Variants in ATL2 observed in about 807,000 individuals in gnomAD.
ATL2 encodes the protein atlastin GTPase 2.
In ATL2, 31 loss-of-function variants were observed where a neutral mutation model predicts 73.9. That is an observed-to-expected ratio of 0.42 (90% CI 0.32 to 0.57). The LOEUF (loss-of-function observed/expected upper bound fraction) is 0.57, where lower values mean the gene tolerates loss of function less well. ATL2 is among the 20% of genes least tolerant of loss of function. ATL2 has a pLI of 0.14. For synonymous variants in ATL2, 291 were observed against 237.5 expected, an observed-to-expected ratio of 1.23 and a Z score of -2.07; for missense variants, 738 against 702.6, an observed-to-expected ratio of 1.05 and a Z score of -0.57.
chr2:38,333,822 T>C (rs1360405476), intron 2 of ATL2, among the ~76,000 whole-genome samples: 6 of 152,172 alleles, frequency 3.9e-5, no homozygotes, highest in African/African-American at 1.2e-4. Flanking sequence ...TCAAACAATA[T>C]TGTAAACACT....
In ATL2 at chr2:38,298,244, G is replaced by C; in HGVS notation, c.1532C>G (p.Ala511Gly). 1 of 1,614,012 alleles carries C rather than the reference G, an allele frequency of 6.2e-7. No individual in the cohort carries two copies. Among genetic ancestry groups the C allele is most frequent in the South Asian group, 1.1e-5 (1 of 91,088 alleles). The stretch of plus-strand genomic sequence containing the variant: ...TGCCCAAGTACAAAGAAATATCAGT[G>C]CTAACCCCATGACAAGGTTACACAA... ...AVLCNLVMGLALIFLCTWAYV... is the reference protein window; with the variant it reads ...AVLCNLVMGLGLIFLCTWAYV... The change falls in exon 12 of 13, where the codon GCA becomes GGA. Residue 511 changes from alanine to glycine, a missense_variant. Physicochemically the swap from Ala to Gly is moderately conservative, Grantham distance 60. Transcript: ENST00000378954.
At chr2:38,365,990 T>C (rs550324979) in intron 1 of ATL2, among the ~76,000 whole-genome samples, 1 of 150,194 alleles carries the variant, frequency 6.7e-6, no homozygotes, top group South Asian at 2.1e-4. Context: ...CAGACTTGGC[T>C]CAATACAGAC....
rs372283091 is a variant in ATL2, at chr2:38,294,174, G to A, written c.*1820C>T. Among the ~76,000 whole-genome samples the A allele has an allele frequency of 1.3e-5, 2 of 152,330 alleles. No homozygotes were observed. The highest frequency in any genetic ancestry group is 4.1e-4 in the South Asian group (2 of 4,826). ...ATATAAAAACAGAATCTGAATGGGAGTGGGAGCGAAGATGTATCAACCAAA... is the reference window on the plus strand; with the variant it reads ...ATATAAAAACAGAATCTGAATGGGAATGGGAGCGAAGATGTATCAACCAAA... On this transcript the variant is annotated 3_prime_UTR_variant, in exon 13 of 13. Transcript: ENST00000378954.
In ATL2 at chr2:38,330,178, G is replaced by A. The variant is rs1472400218; in HGVS notation, c.364-11159C>T. 2.8e-5 allele frequency among the ~76,000 whole-genome samples: 4 copies of A among 140,356 alleles called. No individual in the cohort carries two copies. In the Admixed American group the frequency reaches 2.9e-4, roughly 10 times the overall value. The allele number at this position is 140,356 out of a possible 152,430, so 92.1% of individuals were successfully genotyped here. On this transcript the variant is annotated intron_variant, in intron 2 of 12. Coordinates refer to ENST00000378954, the MANE Select transcript of ATL2 (RefSeq NM_001135673.4). ...CACATGATAATATCAATAAATACAG[G>A]AAAACTATTTGACAAAATCCAACAT...
chr2:38,365,236 C>T (rs28673227), intron 1 of ATL2, among the ~76,000 whole-genome samples: 18,209 of 151,806 alleles, frequency 0.12, 3,223 homozygotes, highest in African/African-American at 0.39. Flanking sequence ...AGAATAGACA[C>T]TTAGATCGAA....
In ATL2 at chr2:38,295,879, T is replaced by TTACACTAAAC; in HGVS notation, c.*105_*114dup. On this transcript the variant is annotated 3_prime_UTR_variant, in exon 13 of 13. Coordinates refer to ENST00000378954, the MANE Select transcript of ATL2 (RefSeq NM_001135673.4). ...CTGTGGCAGCCATCTGTGAAGCCAGTTACACTAAACTACTTCTACAGTTGA... is the reference window on the plus strand; with the variant it reads ...CTGTGGCAGCCATCTGTGAAGCCAGTTACACTAAACTACACTAAACTACTTCTACAGTTGA... 1.1e-6 allele frequency: 1 copy of TTACACTAAAC among 876,942 alleles called. No individual in the cohort carries two copies. The highest frequency in any genetic ancestry group is 1.7e-6 in the Non-Finnish European group (1 of 589,960). 54.3% of individuals were successfully genotyped at this position (876,942 alleles called of 1,614,324 possible).
chr2:38,329,674 G>A (rs1217855809), intron 2 of ATL2, among the ~76,000 whole-genome samples: 1 of 152,004 alleles, frequency 6.6e-6, no homozygotes, highest in Non-Finnish European at 1.5e-5. Context: ...TATATATCAT[G>A]AATATAAATG....
chr2:38,327,269 A>G (rs1233478779), intron 2 of ATL2, among the ~76,000 whole-genome samples: 1 of 152,122 alleles, frequency 6.6e-6, no homozygotes, highest in Non-Finnish European at 1.5e-5. Flanking sequence ...TTAGGTGGTT[A>G]TAGTATATAG....
chr2:38,330,508 G>T (rs949448069), intron 2 of ATL2, among the ~76,000 whole-genome samples: 1 of 152,040 alleles, frequency 6.6e-6, no homozygotes, highest in Non-Finnish European at 1.5e-5. Context: ...TAGAAAACTC[G>T]AAGGAATCCG....
At chr2:38,329,423 C>CAAAAAAAAAAAAAAAAAAAAA (rs70954711) in intron 2 of ATL2, among the ~76,000 whole-genome samples, 7 of 13,672 alleles carry the variant, frequency 5.1e-4, no homozygotes, top group East Asian at 2.2e-3. Flanking sequence ...ACTCCATCTC[C>CAAAAAAAAAAAAAAAAAAAAA]AAAAAAAAAA....
chr2:38,350,858 G>T (rs1670298094), intron 1 of ATL2, among the ~76,000 whole-genome samples: 2 of 151,940 alleles, frequency 1.3e-5, no homozygotes, highest in South Asian at 4.1e-4. Flanking sequence ...CAGACACTCA[G>T]CATGTATTCC....
At position 38,364,792 on chromosome 2, in the gene ATL2, C is replaced by T. The variant is rs151190904; in HGVS notation, c.118+12351G>A. Among the ~76,000 whole-genome samples, 181 of 152,302 alleles carry T rather than the reference C, an allele frequency of 1.2e-3. 2 individuals carry two copies. Among genetic ancestry groups the T allele is most frequent in the African/African-American group, 4.2e-3 (175 of 41,584 alleles). On this transcript the variant is annotated intron_variant, in intron 1 of 12. Coordinates refer to ENST00000378954, the MANE Select transcript of ATL2 (RefSeq NM_001135673.4). Reference sequence around the variant, plus strand: ...AGGCACAGTGGCTTGCGCCTGTAATCCCAGCACTTTGGGAGGCTGAGGCGG... The same window carrying T: ...AGGCACAGTGGCTTGCGCCTGTAATTCCAGCACTTTGGGAGGCTGAGGCGG...
At chr2:38,341,579 G>C (rs766297358) in intron 2 of ATL2, among the ~76,000 whole-genome samples, 1 of 152,116 alleles carries the variant, frequency 6.6e-6, no homozygotes, top group African/African-American at 2.4e-5. Context: ...TTGGGCTGCA[G>C]TCTACTAAAC....
intron 2 of ATL2, among the ~76,000 whole-genome samples, chr2:38,334,883 TAA>T: frequency 7.3e-6 from 1 of 137,238 alleles, no homozygotes; most frequent in East Asian, 2.0e-4. Context: ...ATATATTATA[TAA>T]TATATAATAT....
chr2:38,315,396 T>C, intron 4 of ATL2, 62 bp from the exon 5 acceptor site: 1 of 1,460,750 alleles, frequency 6.8e-7, no homozygotes. Context: ...CCAGCTTCTG[T>C]ATAACTTTAC....
At chr2:38,344,023 CTTT>C (rs1669880431) in intron 1 of ATL2, among the ~76,000 whole-genome samples, 2 of 152,120 alleles carry the variant, frequency 1.3e-5, no homozygotes, top group Admixed American at 6.5e-5. Context: ...TCAAGTATGT[CTTT>C]ATTACCAGCA....
chr2:38,295,845 C>A lies in ATL2; in HGVS notation c.*149G>T. 1 of 638,450 alleles carries A rather than the reference C, an allele frequency of 1.6e-6. No individual in the cohort carries two copies. The highest frequency in any genetic ancestry group is 2.6e-6 in the Non-Finnish European group (1 of 384,170). The allele number at this position is 638,450 out of a possible 1,614,324, so 39.5% of individuals were successfully genotyped here. A position where few individuals can be genotyped will look rare whatever the true frequency, so the allele number is the denominator to read the frequency against. On this transcript the variant is annotated 3_prime_UTR_variant, in exon 13 of 13. Coordinates refer to ENST00000378954, the MANE Select transcript of ATL2 (RefSeq NM_001135673.4). ...AGAATGCTTAAAACTAACAAACAAT[C>A]TTCACACTCTGTGGCAGCCATCTGT... is the stretch of plus-strand genomic sequence containing the variant.
chr2:38,351,066 ATATTT>A (rs1218073717), intron 1 of ATL2, among the ~76,000 whole-genome samples: 2 of 152,260 alleles, frequency 1.3e-5, no homozygotes, highest in African/African-American at 2.4e-5. Context: ...AATGAAAAGT[ATATTT>A]TATTATTCAC....
At chr2:38,315,374 T>G in intron 4 of ATL2, 40 bp from the exon 5 acceptor site, 1 of 1,487,042 alleles carries the variant, frequency 6.7e-7, no homozygotes, top group Non-Finnish European at 8.9e-7. Flanking sequence ...ATTAGTGTTT[T>G]GTTCTGAATA....
Sources: allele counts gnomAD v4.1 joint callset (sites outside exome capture counted in the v4.1 genomes callset), GRCh38; gene constraint gnomAD v4.1.1; transcripts MANE v1.5; gene names NCBI Gene and HGNC (gene_info 2026-07-23, HGNC 2026-07-21).